XKR9: variants seen among roughly 807,000 people sequenced by gnomAD.
XKR9 encodes XK related 9.
A neutral mutation model predicts 32.0 loss-of-function variants in XKR9; 32 were observed. That is an observed-to-expected ratio of 1.00 (90% CI 0.76 to 1.34). XKR9 has a LOEUF of 1.34. Among genes scored for constraint, XKR9 ranks in the 40% most tolerant of loss-of-function variants. The pLI is 0.00. For synonymous variants in XKR9, 168 were observed against 143.4 expected (o/e 1.17, Z -1.22); for missense variants, 546 against 429.7 (o/e 1.27, Z -2.39).
chr8:70,973,253 G>C, the XKR9 span, among the ~76,000 whole-genome samples: 1 of 151,220 alleles, frequency 6.6e-6, no homozygotes, highest in Middle Eastern at 3.2e-3. Context: ...TGTATGTAAA[G>C]GTGTTCATAG....
Position 70,776,923 on chromosome 8 carries a change from T to TCTCTCTC in XKR9, n.353-12416_353-12415insCTCTCTC, listed in dbSNP as rs1563477157. Among the ~76,000 whole-genome samples, 201 of 59,486 alleles carry TCTCTCTC rather than the reference T, an allele frequency of 3.4e-3. 12 individuals are homozygous for TCTCTCTC. Among genetic ancestry groups the TCTCTCTC allele is most frequent in the Middle Eastern group, 0.01 (1 of 96 alleles). 39.0% of individuals were successfully genotyped at this position (59,486 alleles called of 152,430 possible). A position where few individuals can be genotyped will look rare whatever the true frequency, so the allele number is the denominator to read the frequency against. Reference sequence around the variant, plus strand: ...TGCATTTAGCAGGTTTTCTCTTTCTTTCTCTCTCTCTCTCTCTCTCTCTCT... The same window carrying TCTCTCTC: ...TGCATTTAGCAGGTTTTCTCTTTCTTCTCTCTCTCTCTCTCTCTCTCTCTCTCTCTCT... On this transcript the variant is annotated intron_variant and non_coding_transcript_variant, in intron 2 of 3. Transcript: ENST00000520273.
intron 2 of XKR9, among the ~76,000 whole-genome samples, chr8:70,752,719 G>A (rs1807159669): frequency 6.6e-6 from 1 of 152,056 alleles, no homozygotes; most frequent in Non-Finnish European, 1.5e-5. Context: ...TTCATCCAAC[G>A]AGAACAAAGA....
intron 1 of XKR9, among the ~76,000 whole-genome samples, chr8:70,672,860 T>G (rs1818760835): frequency 1.3e-5 from 2 of 152,354 alleles, no homozygotes; most frequent in Admixed American, 1.3e-4. Flanking sequence ...TTTGTATGTC[T>G]TCTTTTGAGA....
chr8:70,750,900 G>C (rs1209414876), intron 2 of XKR9, among the ~76,000 whole-genome samples: 1 of 152,162 alleles, frequency 6.6e-6, no homozygotes, highest in Non-Finnish European at 1.5e-5. Flanking sequence ...AGATGTTTTT[G>C]GATGAGATTA....
At chr8:70,706,560 ACCCTGTGTCTAC>A (rs1340853556) in intron 3 of XKR9, among the ~76,000 whole-genome samples, 2 of 152,040 alleles carry the variant, frequency 1.3e-5, no homozygotes, top group African/African-American at 4.8e-5. Context: ...CTGGGTTTGG[ACCCTGTGTCTAC>A]CCCTTACTAT....
chr8:70,743,351 G>C (rs1461599969), intron 2 of XKR9, among the ~76,000 whole-genome samples: 1 of 151,854 alleles, frequency 6.6e-6, no homozygotes, highest in Non-Finnish European at 1.5e-5. Flanking sequence ...TTTAAAATCT[G>C]TCCACTAATT....
chr8:70,734,278 G>T lies in XKR9; in HGVS notation c.976G>T (p.Val326Phe). ...TTTTATACCTATCAGTATAACTATAGTTCTTACTCTTCTTCTTGGAATTCT... is the reference window on the plus strand; with the variant it reads ...TTTTATACCTATCAGTATAACTATATTTCTTACTCTTCTTCTTGGAATTCT... ...DYFIPISITI[V>F]LTLLLGILFL... Residue 326 changes from valine (V) to phenylalanine (F), a missense_variant, in exon 5 of 5, where the codon GTT (valine) becomes TTT (phenylalanine). By Grantham distance (50) the Val-to-Phe change is conservative. Transcript: ENST00000408926. The T allele has an allele frequency of 6.2e-7, 1 of 1,612,632 alleles. No individual in the cohort carries two copies. The highest frequency in any genetic ancestry group is 1.7e-4 in the Middle Eastern group (1 of 6,040).
chr8:70,821,471 C>G, the XKR9 span, among the ~76,000 whole-genome samples: 1 of 152,238 alleles, frequency 6.6e-6, no homozygotes, highest in Admixed American at 6.5e-5. Context: ...AGGCAGCTCC[C>G]CAGTGGGGAC....
the XKR9 span, among the ~76,000 whole-genome samples, chr8:70,833,140 C>T: frequency 6.6e-6 from 1 of 152,136 alleles, no homozygotes; most frequent in Admixed American, 6.5e-5. Flanking sequence ...AGGGAGAGGG[C>T]TAGCTAATCA....
chr8:70,981,404 TC>T, the XKR9 span, among the ~76,000 whole-genome samples: 1 of 152,130 alleles, frequency 6.6e-6, no homozygotes, highest in African/African-American at 2.4e-5. Flanking sequence ...GCTCTGAAAT[TC>T]TTTCTTCTGC....
intron 4 of XKR9, among the ~76,000 whole-genome samples, chr8:70,708,457 A>G (rs542887901): frequency 3.9e-5 from 6 of 152,252 alleles, no homozygotes; most frequent in African/African-American, 1.4e-4. Context: ...GTCTAACAAT[A>G]GAGGAATTGG....
chr8:70,881,190 A>G, the XKR9 span, among the ~76,000 whole-genome samples: 1 of 150,822 alleles, frequency 6.6e-6, no homozygotes, highest in African/African-American at 2.4e-5. Flanking sequence ...AGGCAATACC[A>G]TTCAGTACAT....
the XKR9 span, among the ~76,000 whole-genome samples, chr8:70,882,219 C>T: frequency 1.3e-5 from 2 of 152,088 alleles, no homozygotes; most frequent in Non-Finnish European, 1.5e-5. Context: ...ATGTATCAAA[C>T]TTGCACATTG....
chr8:71,001,167 A>G, the XKR9 span, among the ~76,000 whole-genome samples: 1 of 152,244 alleles, frequency 6.6e-6, no homozygotes, highest in African/African-American at 2.4e-5. Flanking sequence ...CTTAAAAAAC[A>G]TAAATTATGG....
At chr8:70,832,965 A>G in the XKR9 span, among the ~76,000 whole-genome samples, 1 of 152,214 alleles carries the variant, frequency 6.6e-6, no homozygotes, top group South Asian at 2.1e-4. Context: ...GTAGTTATTT[A>G]TCAAATGAAT....
At chr8:70,716,424 G>C (rs1806090523) in intron 4 of XKR9, among the ~76,000 whole-genome samples, 2 of 131,946 alleles carry the variant, frequency 1.5e-5, no homozygotes, top group Admixed American at 1.5e-4. Context: ...ACATTCTGCA[G>C]GGCTGCGGTG....
At chr8:70,828,730 G>GAA in the XKR9 span, among the ~76,000 whole-genome samples, 6 of 119,564 alleles carry the variant, frequency 5.0e-5, no homozygotes, top group South Asian at 9.1e-4. Flanking sequence ...CAAAAAAAAA[G>GAA]AAAAAAAAAA....
the XKR9 span, among the ~76,000 whole-genome samples, chr8:70,804,664 T>G: frequency 6.6e-6 from 1 of 152,192 alleles, no homozygotes; most frequent in South Asian, 2.1e-4. Context: ...CTCTAAAAAA[T>G]GGTTTTATAC....
At chr8:70,947,955 G>A in the XKR9 span, among the ~76,000 whole-genome samples, 5 of 152,206 alleles carry the variant, frequency 3.3e-5, no homozygotes, top group Non-Finnish European at 7.3e-5. Context: ...GTCTGCTAAA[G>A]AGCATGGTGA....
Sources: gnomAD v4.1 joint callset for allele counts (sites outside exome capture counted in the v4.1 genomes callset) on GRCh38, gnomAD v4.1.1 for gene constraint, MANE v1.5 for transcripts, NCBI Gene and HGNC (gene_info 2026-07-23, HGNC 2026-07-21) for gene names.